CMSS1: variants seen among roughly 807,000 people sequenced by gnomAD.
The protein encoded by CMSS1 is protein CMSS1.
Under a neutral mutation model 43.5 loss-of-function variants are expected in CMSS1, and 33 were observed. That is an observed-to-expected ratio of 0.76 (90% confidence interval 0.57 to 1.01). The LOEUF is 1.01. CMSS1 is among the 50% of genes least tolerant of loss of function. CMSS1 has a pLI of 0.00. For synonymous variants in CMSS1, 115 were observed against 117.2 expected, an observed-to-expected ratio of 0.98 and a Z score of 0.12; for missense variants, 313 against 326.4, an observed-to-expected ratio of 0.96 and a Z score of 0.32.
At chr3:99,836,621 G>C (rs1322779332) in intron 1 of CMSS1, among the ~76,000 whole-genome samples, 5 of 152,124 alleles carry the variant, frequency 3.3e-5, no homozygotes, top group Non-Finnish European at 7.3e-5. Flanking sequence ...GATGAATTTT[G>C]TGGGACCCTA....
At chr3:100,024,833 A>C (rs964156281) in intron 1 of CMSS1, among the ~76,000 whole-genome samples, 2 of 152,120 alleles carry the variant, frequency 1.3e-5, no homozygotes, top group African/African-American at 4.8e-5. Context: ...GGTGGTTACA[A>C]GGCTTGCCCA....
At chr3:99,844,963 C>T (rs147807085) in intron 1 of CMSS1, among the ~76,000 whole-genome samples, 73 of 152,242 alleles carry the variant, frequency 4.8e-4, no homozygotes, top group African/African-American at 1.6e-3. Context: ...GTCAATAAAA[C>T]CTTTCTTCTT....
At chr3:100,167,711 A>C in intron 5 of CMSS1, 27 bp from the exon 6 acceptor site, 1 of 1,515,744 alleles carries the variant, frequency 6.6e-7, no homozygotes, top group South Asian at 1.2e-5. Flanking sequence ...CATATTTCAA[A>C]TAATTGTTTT....
intron 1 of CMSS1, among the ~76,000 whole-genome samples, chr3:99,966,409 C>G (rs534886493): frequency 2.6e-5 from 4 of 151,030 alleles, no homozygotes; most frequent in Admixed American, 1.3e-4. Context: ...TTTTTTTTTT[C>G]GGCTATATAT....
chr3:100,140,482 A>G (rs1424359989), intron 1 of CMSS1, among the ~76,000 whole-genome samples: 4 of 151,734 alleles, frequency 2.6e-5, no homozygotes, highest in Non-Finnish European at 5.9e-5. Context: ...GCTTGGCATC[A>G]TGCTGTTGAA....
chr3:99,899,855 C>A (rs900560392), intron 1 of CMSS1, among the ~76,000 whole-genome samples: 1 of 152,120 alleles, frequency 6.6e-6, no homozygotes, highest in African/African-American at 2.4e-5. Context: ...GAGTACCTTC[C>A]TCATAGGGTT....
rs61630053 is a variant in CMSS1, at chr3:100,021,960, TGAGAGAGAGAGAGA to T, written c.65-124992_65-124979del. Among the ~76,000 whole-genome samples, 370 of 93,296 alleles carry T rather than the reference TGAGAGAGAGAGAGA, an allele frequency of 4.0e-3. 4 individuals are homozygous for T. Among genetic ancestry groups the T allele is most frequent in the African/African-American group, 0.013 (331 of 24,842 alleles). 61.2% of individuals were successfully genotyped at this position (93,296 alleles called of 152,430 possible). A position where few individuals can be genotyped will look rare whatever the true frequency, so the allele number is the denominator to read the frequency against. On this transcript the variant is annotated intron_variant, in intron 1 of 9. Transcript: ENST00000421999. ...GTGTGTGTGTGTGTGTGTGTGTGTGTGAGAGAGAGAGAGAGAGAGAGAGAGAGAGAGAGATATGA... is the reference window on the plus strand; with the variant it reads ...GTGTGTGTGTGTGTGTGTGTGTGTGTGAGAGAGAGAGAGAGAGAGATATGA...
At chr3:99,990,984 A>T (rs1242145646) in intron 1 of CMSS1, among the ~76,000 whole-genome samples, 2 of 152,178 alleles carry the variant, frequency 1.3e-5, no homozygotes, top group East Asian at 3.8e-4. Flanking sequence ...TTGGGAATTA[A>T]ATAAAAATAC....
chr3:99,974,709 A>AAAC (rs371476675), intron 1 of CMSS1, among the ~76,000 whole-genome samples: 57 of 152,022 alleles, frequency 3.7e-4, no homozygotes, highest in East Asian at 2.1e-3. Flanking sequence ...CTCCATCTCA[A>AAAC]AACAACAACA....
At chr3:100,037,995 G>A (rs138104354) in intron 1 of CMSS1, among the ~76,000 whole-genome samples, 15 of 137,720 alleles carry the variant, frequency 1.1e-4, no homozygotes, top group South Asian at 6.8e-4. Flanking sequence ...TCGCTCTGTC[G>A]CCCAGGTGGA....
intron 1 of CMSS1, among the ~76,000 whole-genome samples, chr3:99,972,798 T>G (rs929035478): frequency 1.3e-5 from 2 of 152,216 alleles, no homozygotes; most frequent in African/African-American, 4.8e-5. Flanking sequence ...CTTCCATAAG[T>G]GTGAGGCAAG....
At chr3:99,939,795 G>A (rs1419179310) in intron 1 of CMSS1, among the ~76,000 whole-genome samples, 1 of 152,168 alleles carries the variant, frequency 6.6e-6, no homozygotes, top group East Asian at 1.9e-4. Context: ...TCCCCAGTTT[G>A]CAGATTCCTC....
At chr3:100,044,246 C>T (rs987457320) in intron 1 of CMSS1, among the ~76,000 whole-genome samples, 2 of 152,106 alleles carry the variant, frequency 1.3e-5, no homozygotes, top group African/African-American at 2.4e-5. Context: ...TGGGCACAAG[C>T]GATGCAGTTG....
At chr3:99,874,752 T>A (rs1455004169) in intron 1 of CMSS1, among the ~76,000 whole-genome samples, 1 of 152,246 alleles carries the variant, frequency 6.6e-6, no homozygotes, top group Non-Finnish European at 1.5e-5. Flanking sequence ...GAGTATTTTT[T>A]AAATGCTGTG....
At chr3:100,041,847 CA>C (rs949903159) in intron 1 of CMSS1, among the ~76,000 whole-genome samples, 11 of 152,072 alleles carry the variant, frequency 7.2e-5, no homozygotes, top group Admixed American at 6.6e-4. Flanking sequence ...CTTCTTTCAA[CA>C]TGAAAGTATA....
chr3:100,137,595 C>T (rs1475395869), intron 1 of CMSS1, among the ~76,000 whole-genome samples: 3 of 150,388 alleles, frequency 2.0e-5, no homozygotes, highest in Non-Finnish European at 4.4e-5. Context: ...CAGAGTCTCG[C>T]TTTGTCGCCC....
intron 1 of CMSS1, among the ~76,000 whole-genome samples, chr3:100,066,523 T>C (rs1403305432): frequency 1.3e-5 from 1 of 75,092 alleles, no homozygotes; most frequent in Non-Finnish European, 2.9e-5. Context: ...GCTTCTTTTT[T>C]TTTTTTTTTT....
At chr3:100,042,171 A>T (rs1241175983) in intron 1 of CMSS1, among the ~76,000 whole-genome samples, 1 of 152,220 alleles carries the variant, frequency 6.6e-6, no homozygotes, top group East Asian at 1.9e-4. Flanking sequence ...AAAGGGCAAA[A>T]ATTGTGGCAG....
chr3:99,977,018 G>C (rs754420116), intron 1 of CMSS1, among the ~76,000 whole-genome samples: 25 of 152,190 alleles, frequency 1.6e-4, no homozygotes, highest in Non-Finnish European at 3.5e-4. Context: ...CGTTTAGCAA[G>C]TTCTTAGATA....
Sources: gnomAD v4.1 joint callset for allele counts (sites outside exome capture counted in the v4.1 genomes callset) on GRCh38, gnomAD v4.1.1 for gene constraint, MANE v1.5 for transcripts, NCBI Gene and HGNC (gene_info 2026-07-23, HGNC 2026-07-21) for gene names.